The following RIT2 variants were observed in gnomAD, a reference collection of about 807,000 sequenced individuals.
RIT2 encodes GTP-binding protein Rit2.
In RIT2, 24 loss-of-function variants were observed where a neutral mutation model predicts 23.7. That is an observed-to-expected ratio of 1.01 (90% CI 0.73 to 1.43). The LOEUF (loss-of-function observed/expected upper bound fraction) is 1.43, where lower values mean the gene tolerates loss of function less well. Among genes scored for constraint, RIT2 ranks in the 40% most tolerant of loss-of-function variants. RIT2 has a pLI of 0.00. For missense variants in RIT2, 236 were observed against 266.9 expected (o/e 0.88, Z 0.81); for synonymous variants, 107 against 91.1 (o/e 1.17, Z -0.99).
In RIT2 at chr18:42,887,091, C is replaced by T. The variant is rs149931519; in HGVS notation, c.426+36481G>A. On this transcript the variant is annotated intron_variant, in intron 4 of 4. Coordinates refer to ENST00000326695, the MANE Select transcript of RIT2 (RefSeq NM_002930.4). ...GAACAATTATTTGTTTCATTTAATT[C>T]ATTTTGAAATGTGACTTTGGAGAAA... Among the ~76,000 whole-genome samples, 665 of 152,132 alleles carry T rather than the reference C, an allele frequency of 4.4e-3. 7 individuals are homozygous for T. Among genetic ancestry groups the T allele is most frequent in the African/African-American group, 0.015 (632 of 41,510 alleles).
intron 2 of RIT2, among the ~76,000 whole-genome samples, chr18:42,987,657 T>C (rs571504432): frequency 5.3e-5 from 8 of 152,350 alleles, no homozygotes; most frequent in South Asian, 2.1e-4. Flanking sequence ...ACAACGCCGA[T>C]GTCTTAGTTT....
chr18:42,753,570 T>A (rs1319935390), intron 4 of RIT2, among the ~76,000 whole-genome samples: 1 of 152,202 alleles, frequency 6.6e-6, no homozygotes, highest in Non-Finnish European at 1.5e-5. Flanking sequence ...TATCTTCTTG[T>A]AAGTGTTTCA....
At chr18:42,867,815 T>C (rs1295805058) in intron 4 of RIT2, among the ~76,000 whole-genome samples, 1 of 152,112 alleles carries the variant, frequency 6.6e-6, no homozygotes, top group African/African-American at 2.4e-5. Flanking sequence ...AAAAAAGTGC[T>C]ATCACTTCCT....
chr18:43,026,781 A>T (rs1911742899), intron 2 of RIT2, among the ~76,000 whole-genome samples: 1 of 151,776 alleles, frequency 6.6e-6, no homozygotes, highest in Admixed American at 6.6e-5. Flanking sequence ...GAAGCTAGAG[A>T]TATAAGTATG....
intron 4 of RIT2, among the ~76,000 whole-genome samples, chr18:42,880,804 C>CTTTTT (rs397966126): frequency 0.086 from 9,858 of 115,170 alleles, 502 homozygotes; most frequent in Non-Finnish European, 0.12. Context: ...CTTCCTACCT[C>CTTTTT]TTTTTTTTTT....
At chr18:42,948,599 C>A (rs759728473) in intron 3 of RIT2, among the ~76,000 whole-genome samples, 5 of 152,054 alleles carry the variant, frequency 3.3e-5, no homozygotes, top group South Asian at 4.1e-4. Context: ...AACTAGAGAA[C>A]CTCCCAGTTT....
chr18:42,790,003 T>A (rs1914006706), intron 4 of RIT2, among the ~76,000 whole-genome samples: 1 of 152,172 alleles, frequency 6.6e-6, no homozygotes, highest in Non-Finnish European at 1.5e-5. Flanking sequence ...TTCCTTCTAT[T>A]CCTAGTTTAT....
At chr18:42,769,881 A>AATAAG (rs1464432615) in intron 4 of RIT2, among the ~76,000 whole-genome samples, 28 of 106,486 alleles carry the variant, frequency 2.6e-4, no homozygotes, top group Non-Finnish European at 4.9e-4. Flanking sequence ...ATAATAATAA[A>AATAAG]GATATACCAC....
At chr18:42,744,159 A>T (rs1206217605) in intron 4 of RIT2, among the ~76,000 whole-genome samples, 1 of 151,322 alleles carries the variant, frequency 6.6e-6, no homozygotes, top group Admixed American at 6.6e-5. Context: ...TCCTTTACCT[A>T]CCCAAATCTT....
At chr18:42,812,208 G>A (rs1209523445) in intron 4 of RIT2, among the ~76,000 whole-genome samples, 1 of 152,070 alleles carries the variant, frequency 6.6e-6, no homozygotes, top group African/African-American at 2.4e-5. Context: ...ACTCACTTTG[G>A]TCAATGACAT....
intron 4 of RIT2, among the ~76,000 whole-genome samples, chr18:42,876,512 T>C (rs1042976115): frequency 6.6e-6 from 1 of 151,894 alleles, no homozygotes; most frequent in Admixed American, 6.6e-5. Context: ...TTTGCTCTCC[T>C]TGGTCTCTAC....
intron 1 of RIT2, among the ~76,000 whole-genome samples, chr18:43,082,609 C>G (rs1253542138): frequency 6.6e-6 from 1 of 152,002 alleles, no homozygotes; most frequent in African/African-American, 2.4e-5. Flanking sequence ...ATCACATAAA[C>G]AGAACCAATG....
chr18:43,030,065 A>G (rs1294374943), intron 2 of RIT2, among the ~76,000 whole-genome samples: 1 of 152,070 alleles, frequency 6.6e-6, no homozygotes, highest in African/African-American at 2.4e-5. Flanking sequence ...TATGTTCAAC[A>G]TTCTATTTAG....
At chr18:42,851,361 A>C (rs1907050268) in intron 4 of RIT2, among the ~76,000 whole-genome samples, 1 of 152,224 alleles carries the variant, frequency 6.6e-6, no homozygotes, top group African/African-American at 2.4e-5. Flanking sequence ...AGAATCAATT[A>C]CTGAATATAA....
chr18:42,904,416 G>A (rs967875635), intron 4 of RIT2, among the ~76,000 whole-genome samples: 4 of 152,138 alleles, frequency 2.6e-5, no homozygotes, highest in Non-Finnish European at 5.9e-5. Context: ...TAAGCTACTG[G>A]ATCTTTGGGA....
intron 1 of RIT2, among the ~76,000 whole-genome samples, chr18:43,077,102 C>CAAA (rs34419558): frequency 1.9e-4 from 15 of 80,164 alleles, no homozygotes; most frequent in Non-Finnish European, 2.7e-4. Flanking sequence ...GACTCCGTCT[C>CAAA]AAAAAAAAAA....
chr18:43,082,658 G>T, intron 1 of RIT2, among the ~76,000 whole-genome samples: 1 of 151,440 alleles, frequency 6.6e-6, no homozygotes. Context: ...TGCAGAAAAG[G>T]CTTTCGATAA....
intron 4 of RIT2, among the ~76,000 whole-genome samples, chr18:42,748,761 G>A (rs1470834318): frequency 5.9e-5 from 9 of 152,042 alleles, no homozygotes; most frequent in Non-Finnish European, 2.9e-5. Context: ...TGGGGACTCA[G>A]GGGAAAGGGA....
chr18:42,834,664 T>A (rs1268246485), intron 4 of RIT2, among the ~76,000 whole-genome samples: 1 of 152,126 alleles, frequency 6.6e-6, no homozygotes, highest in Non-Finnish European at 1.5e-5. Flanking sequence ...ACTGAGTAGT[T>A]AGGGAAATGA....
Sources: allele counts gnomAD v4.1 joint callset (sites outside exome capture counted in the v4.1 genomes callset), GRCh38; gene constraint gnomAD v4.1.1; transcripts MANE v1.5; gene names NCBI Gene and HGNC (gene_info 2026-07-23, HGNC 2026-07-21).